Variants in PMPCB observed in about 807,000 individuals in gnomAD.
PMPCB encodes the protein peptidase, mitochondrial processing subunit beta.
PMPCB carries 46 observed loss-of-function variants against 61.5 expected under a neutral mutation model. The ratio of observed to expected loss-of-function variants is 0.75; its 90% CI spans 0.59 to 0.96. The LOEUF (loss-of-function observed/expected upper bound fraction) is 0.96. Among genes scored for constraint, PMPCB ranks in the 40% least tolerant of loss-of-function variants. The pLI, the probability that PMPCB is intolerant of heterozygous loss-of-function variation, is 0.00. For missense variants in PMPCB, 590 were observed against 602.4 expected (o/e 0.98, Z 0.22); for synonymous variants, 191 against 201.6 (o/e 0.95, Z 0.44).
intron 12 of PMPCB, chr7:103,323,669 A>G (rs1818543853): frequency 7.1e-7 from 1 of 1,399,790 alleles, no homozygotes; most frequent in Non-Finnish European, 9.7e-7. Context: ...TATACCTAAT[A>G]TAGACAGAAA....
chr7:103,311,468 A>C (rs1200168239), intron 9 of PMPCB, 175 bp from the exon 10 acceptor site: 2 of 599,424 alleles, frequency 3.3e-6, no homozygotes, highest in African/African-American at 3.7e-5. Flanking sequence ...ATGTTTATGT[A>C]TCATTTTTGA....
At chr7:103,311,756 T>C in intron 10 of PMPCB, 28 bp downstream of exon 10, 1 of 1,604,440 alleles carries the variant, frequency 6.2e-7, no homozygotes. Context: ...GGTTCTGTTT[T>C]CATATGGTTG....
downstream of PMPCB, among the ~76,000 whole-genome samples, chr7:103,333,379 T>C (rs1404678288): frequency 6.6e-6 from 1 of 152,228 alleles, no homozygotes; most frequent in Non-Finnish European, 1.5e-5. Flanking sequence ...AAAGCAGTAA[T>C]CTTACTTTTG....
In PMPCB at chr7:103,299,356, C is replaced by T. The variant is rs573249184; in HGVS notation, c.241-87C>T. The T allele has an allele frequency of 5.3e-5, 39 of 731,370 alleles. No homozygotes were observed. In the South Asian group the frequency reaches 7.0e-4, roughly 13 times the overall value. 45.3% of individuals were successfully genotyped at this position (731,370 alleles called of 1,614,324 possible). A position where few individuals can be genotyped will look rare whatever the true frequency, so the allele number is the denominator to read the frequency against. ...AAATCTTAGTGTTAAGACCAGAAAGCATTTGTCAGAAAAAGGAAGGAGACT... is the reference window on the plus strand; with the variant it reads ...AAATCTTAGTGTTAAGACCAGAAAGTATTTGTCAGAAAAAGGAAGGAGACT... On this transcript the variant is annotated intron_variant, in intron 2 of 12. Transcript: ENST00000249269.
Position 103,314,182 on chromosome 7 carries a change from G to A in PMPCB, c.*1911G>A. ...TTGAATTTCCTTGTATTGGTTTAAA[G>A]CCCTAAATACCATAGATTTTATTTC... is the stretch of plus-strand genomic sequence containing the variant. On this transcript the variant is annotated 3_prime_UTR_variant, in exon 13 of 13. Coordinates refer to ENST00000249269, the MANE Select transcript of PMPCB (RefSeq NM_004279.3). The A allele has an allele frequency of 1.0e-6, 1 of 985,322 alleles. No individual in the cohort carries two copies. Among genetic ancestry groups the A allele is most frequent in the Non-Finnish European group, 1.2e-6 (1 of 829,894 alleles). 61.0% of individuals were successfully genotyped at this position (985,322 alleles called of 1,614,324 possible).
At chr7:103,298,521 T>G in intron 1 of PMPCB, 47 bp from the exon 2 acceptor site, 1 of 1,566,852 alleles carries the variant, frequency 6.4e-7, no homozygotes, top group Non-Finnish European at 8.7e-7. Context: ...AATATCAGAT[T>G]AGTAATGTGT....
chr7:103,298,590 G>A lies in PMPCB; in HGVS notation c.122G>A (p.Arg41Lys), dbSNP rs367832736. The A allele has an allele frequency of 6.1e-5, 99 of 1,613,948 alleles. No individual in the cohort carries two copies. Among genetic ancestry groups the A allele is most frequent in the Non-Finnish European group, 8.3e-5 (98 of 1,179,960 alleles). ...CAGTCATTATATTTTGGAGAGAACAGATTAAGAAGTACACAGGCTGCTACC... is the reference window on the plus strand; with the variant it reads ...CAGTCATTATATTTTGGAGAGAACAAATTAAGAAGTACACAGGCTGCTACC... ...AGRSLYFGEN[R>K]LRSTQAATQV... The change falls in exon 2 of 13, where the codon AGA becomes AAA. Residue 41 changes from arginine (R) to lysine (K), a missense_variant. Arg to Lys is a conservative substitution (Grantham distance 26). Coordinates refer to ENST00000249269, the MANE Select transcript of PMPCB (RefSeq NM_004279.3).
chr7:103,299,434 T>G lies in PMPCB; in HGVS notation c.241-9T>G. On this transcript the variant is annotated splice_polypyrimidine_tract_variant and intron_variant, in intron 2 of 12. Coordinates refer to ENST00000249269, the MANE Select transcript of PMPCB (RefSeq NM_004279.3). ...TGAATTTATTTAATTGTTCTTTGAT[T>G]GCATTAAGGTTGGACTCTGGATTGA... 6.6e-7 allele frequency: 1 copy of G among 1,520,280 alleles called. No individual in the cohort carries two copies. The allele number at this position is 1,520,280 out of a possible 1,614,324, so 94.2% of individuals were successfully genotyped here. A position where few individuals can be genotyped will look rare whatever the true frequency, so the allele number is the denominator to read the frequency against.
the PMPCB span, among the ~76,000 whole-genome samples, chr7:103,338,454 G>A: frequency 1.3e-5 from 2 of 151,230 alleles, no homozygotes; most frequent in East Asian, 2.0e-4. Flanking sequence ...ACACCACCAC[G>A]CCTGGCTAAT....
rs779423411 is a variant in PMPCB, at chr7:103,313,089, T to C, written c.*818T>C. On this transcript the variant is annotated 3_prime_UTR_variant, in exon 13 of 13. Coordinates refer to ENST00000249269, the MANE Select transcript of PMPCB (RefSeq NM_004279.3). ...TTCTTCTGTTGTCCAAGGGGTGAAG[T>C]CTGTATATGGACCTGATTAAGAAAA... 5.0e-6 allele frequency: 8 copies of C among 1,612,842 alleles called. No homozygotes were observed. The East Asian group carries it at 1.1e-4, about 22-fold the overall frequency.
chr7:103,310,674 ATTTT>A (rs377252653), intron 9 of PMPCB, 199 bp downstream of exon 9: 99 of 158,452 alleles, frequency 6.2e-4, no homozygotes, highest in South Asian at 1.3e-3. Flanking sequence ...ATACTATAGA[ATTTT>A]TTTTTTTTTT....
At chr7:103,316,351 C>T (rs149633179), downstream of PMPCB, 649 of 290,090 alleles carry the variant, frequency 2.2e-3, 3 homozygotes, top group Middle Eastern at 0.016. Context: ...AATAAAACCA[C>T]TTATTTGTGT....
the PMPCB span, chr7:103,344,592 G>T: frequency 5.6e-6 from 9 of 1,612,916 alleles, no homozygotes; most frequent in South Asian, 9.9e-5. Flanking sequence ...GCGGTGCCCC[G>T]GCCGTCCGCG....
chr7:103,325,272 C>T (rs1174448345), intron 12 of PMPCB, among the ~76,000 whole-genome samples: 2 of 152,006 alleles, frequency 1.3e-5, no homozygotes, highest in African/African-American at 4.8e-5. Flanking sequence ...GGTGAAACCC[C>T]GTCTCTACTA....
In PMPCB at chr7:103,314,120, T is replaced by C. The variant is rs901721627; in HGVS notation, c.*1849T>C. On this transcript the variant is annotated 3_prime_UTR_variant, in exon 13 of 13. Coordinates refer to ENST00000249269, the MANE Select transcript of PMPCB (RefSeq NM_004279.3). ...GGTACCTAAGGTGCCTAAGAAGCTT[T>C]TTTGAAGGTAGCTTTTAAGTTCTAG... 10 of 985,326 alleles carry C rather than the reference T, an allele frequency of 1.0e-5. No individual in the cohort carries two copies. Among genetic ancestry groups the C allele is most frequent in the Non-Finnish European group, 1.2e-5 (10 of 829,944 alleles). The allele number at this position is 985,326 out of a possible 1,614,324, so 61.0% of individuals were successfully genotyped here.
At position 103,297,531 on chromosome 7, in the gene PMPCB, T is replaced by G; in HGVS notation, c.72T>G (p.Ser24Arg). ...ARRRLWGFSESLLIRGAAGRS... is the reference protein window; with the variant it reads ...ARRRLWGFSERLLIRGAAGRS... ...GGCGGCTCTGGGGTTTCAGCGAGAGTCTTCTAATCCGAGGCGCTGCGGGAC... is the reference window on the plus strand; with the variant it reads ...GGCGGCTCTGGGGTTTCAGCGAGAGGCTTCTAATCCGAGGCGCTGCGGGAC... Residue 24 changes from serine to arginine, a missense_variant, in exon 1 of 13, where the codon AGT (serine) becomes AGG (arginine). Ser to Arg is a moderately radical substitution (Grantham distance 110). Coordinates refer to ENST00000249269, the MANE Select transcript of PMPCB (RefSeq NM_004279.3). 1 of 1,602,840 alleles carries G rather than the reference T, an allele frequency of 6.2e-7. No individual in the cohort carries two copies. The highest frequency in any genetic ancestry group is 8.5e-7 in the Non-Finnish European group (1 of 1,173,764).
chr7:103,308,883 T>C, intron 7 of PMPCB, 69 bp from the exon 8 acceptor site: 9 of 1,300,312 alleles, frequency 6.9e-6, no homozygotes, highest in Non-Finnish European at 9.2e-6. Context: ...TGGTGATTTT[T>C]TCCTTGTTAA....
downstream of PMPCB, among the ~76,000 whole-genome samples, chr7:103,334,233 G>A (rs1292352425): frequency 6.6e-6 from 1 of 151,718 alleles, no homozygotes. Flanking sequence ...TTACAGGTGT[G>A]AGCCACTGTG....
At chr7:103,324,141 A>G (rs1035623273) in intron 12 of PMPCB, among the ~76,000 whole-genome samples, 2 of 152,252 alleles carry the variant, frequency 1.3e-5, no homozygotes, top group Non-Finnish European at 2.9e-5. Flanking sequence ...ACTATTGCGC[A>G]TATTAAAAAT....
Sources: gnomAD v4.1 joint callset for allele counts (sites outside exome capture counted in the v4.1 genomes callset) on GRCh38, gnomAD v4.1.1 for gene constraint, MANE v1.5 for transcripts, NCBI Gene and HGNC (gene_info 2026-07-23, HGNC 2026-07-21) for gene names.